CFAP107: variants seen among roughly 807,000 people sequenced by gnomAD.
CFAP107 encodes the protein cilia- and flagella-associated protein 107.
chr1:12,761,525 C>CTTTTTTTTTTTTTTTTTTTT, the CFAP107 span: 1 of 149,068 alleles, frequency 6.7e-6, no homozygotes, highest in African/African-American at 2.5e-5. Flanking sequence ...GCTCGCAAAT[C>CTTTTTTTTTTTTTTTTTTTT]TTTGTGTTTT....
chr1:12,759,353 CA>C, the CFAP107 span: 1 of 1,614,144 alleles, frequency 6.2e-7, no homozygotes, highest in African/African-American at 1.3e-5. Flanking sequence ...CAGGAGCCCC[CA>C]CATCGCTACC....
chr1:12,746,302 A>G, the CFAP107 span: 2 of 618,958 alleles, frequency 3.2e-6, no homozygotes, highest in Non-Finnish European at 5.9e-6. Context: ...GTCATCTACT[A>G]GCCATTCAGG....
chr1:12,749,979 G>T, the CFAP107 span, among the ~76,000 whole-genome samples: 316 of 152,242 alleles, frequency 2.1e-3, 2 homozygotes, highest in African/African-American at 7.3e-3. Context: ...ATAATTTTGG[G>T]ATGTAACTCT....
At chr1:12,746,408 G>A in the CFAP107 span, 1 of 1,595,676 alleles carries the variant, frequency 6.3e-7, no homozygotes, top group African/African-American at 1.3e-5. Flanking sequence ...TCAAGTCAAA[G>A]AAACCTGGGG....
the CFAP107 span, among the ~76,000 whole-genome samples, chr1:12,754,210 A>G: frequency 3.3e-5 from 5 of 152,246 alleles, no homozygotes; most frequent in Non-Finnish European, 7.3e-5. Flanking sequence ...TTAAAAAATG[A>G]CAAAGGAGCT....
At chr1:12,750,690 C>A in the CFAP107 span, among the ~76,000 whole-genome samples, 1 of 152,070 alleles carries the variant, frequency 6.6e-6, no homozygotes, top group South Asian at 2.1e-4. Context: ...TAGTTACACA[C>A]ATGTACACAC....
At chr1:12,746,940 A>C in the CFAP107 span, among the ~76,000 whole-genome samples, 3 of 151,970 alleles carry the variant, frequency 2.0e-5, no homozygotes, top group Non-Finnish European at 4.4e-5. Context: ...TGCTCTCCTC[A>C]TTCTGGCCCT....
At chr1:12,747,392 C>T in the CFAP107 span, among the ~76,000 whole-genome samples, 1 of 152,048 alleles carries the variant, frequency 6.6e-6, no homozygotes, top group Admixed American at 6.6e-5. Context: ...TCAAACAGAA[C>T]AATTTGGCTC....
the CFAP107 span, among the ~76,000 whole-genome samples, chr1:12,754,719 T>C: frequency 6.6e-6 from 1 of 152,148 alleles, no homozygotes; most frequent in Non-Finnish European, 1.5e-5. Context: ...AATGGATGAA[T>C]TTGGAAGACA....
the CFAP107 span, chr1:12,760,856 T>C: frequency 1.4e-5 from 23 of 1,614,018 alleles, no homozygotes; most frequent in Admixed American, 3.3e-5. Context: ...CACTTATACT[T>C]CATCCTACCC....
the CFAP107 span, among the ~76,000 whole-genome samples, chr1:12,758,170 C>T: frequency 6.6e-6 from 1 of 152,082 alleles, no homozygotes; most frequent in African/African-American, 2.4e-5. Context: ...TGTGGCCCTG[C>T]AGGGCATGGC....
chr1:12,751,666 G>T, the CFAP107 span, among the ~76,000 whole-genome samples: 58 of 152,044 alleles, frequency 3.8e-4, no homozygotes, highest in African/African-American at 5.6e-4. Context: ...AACCAAATTG[G>T]TTTTTTGAAA....
chr1:12,755,490 CA>C, the CFAP107 span, among the ~76,000 whole-genome samples: 1 of 152,066 alleles, frequency 6.6e-6, no homozygotes, highest in Non-Finnish European at 1.5e-5. Flanking sequence ...ATGAGGTGAC[CA>C]GGGGAGCCAA....
chr1:12,761,967 T>C, the CFAP107 span: 1 of 152,344 alleles, frequency 6.6e-6, no homozygotes, highest in Non-Finnish European at 1.5e-5. Context: ...CAAGTGTGCA[T>C]GCTCAGTGCT....
At chr1:12,756,076 C>G in the CFAP107 span, among the ~76,000 whole-genome samples, 1 of 152,172 alleles carries the variant, frequency 6.6e-6, no homozygotes, top group Non-Finnish European at 1.5e-5. Flanking sequence ...AGAATATAGG[C>G]AAAGAATGCA....
the CFAP107 span, among the ~76,000 whole-genome samples, chr1:12,749,600 G>C: frequency 6.6e-6 from 1 of 152,110 alleles, no homozygotes; most frequent in African/African-American, 2.4e-5. Context: ...AACAGAGTGA[G>C]AGTGAGGCCC....
chr1:12,757,903 C>G, the CFAP107 span, among the ~76,000 whole-genome samples: 3 of 152,088 alleles, frequency 2.0e-5, no homozygotes, highest in Admixed American at 2.0e-4. Context: ...TATCCCCAAC[C>G]GCCTCCTTTA....
the CFAP107 span, among the ~76,000 whole-genome samples, chr1:12,748,659 A>G: frequency 2.6e-5 from 4 of 152,050 alleles, no homozygotes; most frequent in Non-Finnish European, 4.4e-5. Context: ...CCAATTTTCA[A>G]CGAAAAATCA....
At chr1:12,758,730 G>A in the CFAP107 span, among the ~76,000 whole-genome samples, 1 of 152,162 alleles carries the variant, frequency 6.6e-6, no homozygotes, top group Non-Finnish European at 1.5e-5. Flanking sequence ...CCAGAGTAAG[G>A]AGAACATGGC....
Sources: allele counts gnomAD v4.1 joint callset (sites outside exome capture counted in the v4.1 genomes callset), GRCh38; gene constraint gnomAD v4.1.1; transcripts MANE v1.5; gene names NCBI Gene and HGNC (gene_info 2026-07-23, HGNC 2026-07-21).